The following LRRTM3 variants were observed in gnomAD, a reference collection of about 807,000 sequenced individuals.
The protein encoded by LRRTM3 is leucine-rich repeat transmembrane neuronal protein 3.
In LRRTM3, 24 loss-of-function variants were observed where a neutral mutation model predicts 44.7. That is an observed-to-expected ratio of 0.54 (90% CI 0.39 to 0.76). The LOEUF (loss-of-function observed/expected upper bound fraction) is 0.76. Among genes scored for constraint, LRRTM3 ranks in the 30% least tolerant of loss-of-function variants. The pLI, the probability that LRRTM3 is intolerant of heterozygous loss-of-function variation, is 0.00. For synonymous variants in LRRTM3, 277 were observed against 278.7 expected (o/e 0.99, Z 0.06); for missense variants, 587 against 702.2 (o/e 0.84, Z 1.85).
At chr10:67,080,933 CAACAAAA>C (rs1857027079) in intron 2 of LRRTM3, among the ~76,000 whole-genome samples, 3 of 142,066 alleles carry the variant, frequency 2.1e-5, no homozygotes, top group South Asian at 2.2e-4. Flanking sequence ...AACAAAAAAA[CAACAAAA>C]AAAAAAAAAC....
chr10:67,057,353 T>C (rs1855500370), intron 2 of LRRTM3, among the ~76,000 whole-genome samples: 1 of 152,150 alleles, frequency 6.6e-6, no homozygotes, highest in Non-Finnish European at 1.5e-5. Flanking sequence ...ATAGTCACCA[T>C]GCTGTGCATG....
At chr10:67,027,000 G>T (rs1853431692) in intron 2 of LRRTM3, among the ~76,000 whole-genome samples, 1 of 152,176 alleles carries the variant, frequency 6.6e-6, no homozygotes, top group South Asian at 2.1e-4. Flanking sequence ...AATAAATGAT[G>T]ATAAAACATC....
At chr10:66,964,071 C>A (rs990732681) in intron 2 of LRRTM3, among the ~76,000 whole-genome samples, 1 of 151,822 alleles carries the variant, frequency 6.6e-6, no homozygotes, top group African/African-American at 2.4e-5. Context: ...AGGATGGTCT[C>A]GATCTTCTGA....
At chr10:67,080,780 G>A (rs972050810) in intron 2 of LRRTM3, among the ~76,000 whole-genome samples, 4 of 151,886 alleles carry the variant, frequency 2.6e-5, no homozygotes, top group Non-Finnish European at 4.4e-5. Flanking sequence ...GTGGTGGCGG[G>A]CGCCTGTGGT....
At chr10:66,938,098 AG>A (rs1271214153) in intron 2 of LRRTM3, among the ~76,000 whole-genome samples, 2 of 152,246 alleles carry the variant, frequency 1.3e-5, no homozygotes, top group Non-Finnish European at 2.9e-5. Context: ...AACAATCTAC[AG>A]TAAACATTTC....
At chr10:66,951,003 C>T (rs1056448985) in intron 2 of LRRTM3, among the ~76,000 whole-genome samples, 1 of 151,870 alleles carries the variant, frequency 6.6e-6, no homozygotes, top group Non-Finnish European at 1.5e-5. Flanking sequence ...AGATGGTATG[C>T]TTATTTAAAT....
intron 2 of LRRTM3, among the ~76,000 whole-genome samples, chr10:67,085,679 T>A (rs1328204848): frequency 6.6e-6 from 1 of 152,012 alleles, no homozygotes; most frequent in Admixed American, 6.6e-5. Context: ...GCTCATCCCT[T>A]ATTATGATAT....
chr10:66,973,386 G>A (rs758384816), intron 2 of LRRTM3, among the ~76,000 whole-genome samples: 5 of 152,062 alleles, frequency 3.3e-5, no homozygotes, highest in Admixed American at 3.3e-4. Context: ...TCAATAATTT[G>A]TATTAACAAA....
chr10:66,978,526 C>CAAAAA (rs1170594360), intron 2 of LRRTM3, among the ~76,000 whole-genome samples: 16 of 42,320 alleles, frequency 3.8e-4, no homozygotes, highest in East Asian at 9.6e-4. Context: ...GACTCCATCT[C>CAAAAA]AAAAAAAAAA....
chr10:67,057,362 T>C lies in LRRTM3; in HGVS notation c.1537-40225T>C, dbSNP rs748728586. Among the ~76,000 whole-genome samples the C allele has an allele frequency of 9.2e-5, 14 of 152,264 alleles. No homozygotes were observed. In the South Asian group the frequency reaches 1.4e-3, roughly 16 times the overall value. ...TTAACTATAGTCACCATGCTGTGCATGGTCTTCAGAGCTTATTCATAACTA... is the reference window on the plus strand; with the variant it reads ...TTAACTATAGTCACCATGCTGTGCACGGTCTTCAGAGCTTATTCATAACTA... On this transcript the variant is annotated intron_variant, in intron 2 of 2. Transcript: ENST00000361320.
At chr10:66,943,138 C>G (rs1387169542) in intron 2 of LRRTM3, among the ~76,000 whole-genome samples, 1 of 152,150 alleles carries the variant, frequency 6.6e-6, no homozygotes, top group Non-Finnish European at 1.5e-5. Flanking sequence ...TGATACATGT[C>G]CTTCACTGGA....
At chr10:66,969,852 T>C (rs1361008129) in intron 2 of LRRTM3, among the ~76,000 whole-genome samples, 1 of 152,146 alleles carries the variant, frequency 6.6e-6, no homozygotes, top group South Asian at 2.1e-4. Flanking sequence ...ACCCTCTATA[T>C]TTCCACAACA....
At chr10:66,969,232 A>C (rs958249151) in intron 2 of LRRTM3, among the ~76,000 whole-genome samples, 1 of 152,120 alleles carries the variant, frequency 6.6e-6, no homozygotes, top group African/African-American at 2.4e-5. Flanking sequence ...ACATCTATGC[A>C]CAGGCATTTA....
intron 2 of LRRTM3, among the ~76,000 whole-genome samples, chr10:67,060,514 C>T (rs17195324): frequency 0.024 from 3,711 of 152,264 alleles, 58 homozygotes; most frequent in Non-Finnish European, 0.033. Context: ...AGTTAGTTTT[C>T]TAAATATCCC....
At chr10:67,047,327 T>C (rs190202458) in intron 2 of LRRTM3, among the ~76,000 whole-genome samples, 34 of 152,288 alleles carry the variant, frequency 2.2e-4, no homozygotes, top group African/African-American at 7.9e-4. Context: ...TTTCCAGAAA[T>C]TCCCTGTGCC....
At chr10:66,986,983 C>T (rs971451213) in intron 2 of LRRTM3, among the ~76,000 whole-genome samples, 1 of 152,048 alleles carries the variant, frequency 6.6e-6, no homozygotes, top group Non-Finnish European at 1.5e-5. Context: ...CACTAATAAG[C>T]TGATACATGA....
intron 2 of LRRTM3, among the ~76,000 whole-genome samples, chr10:66,982,331 A>G (rs902480377): frequency 6.6e-6 from 1 of 152,186 alleles, no homozygotes; most frequent in African/African-American, 2.4e-5. Context: ...AAACAGAATT[A>G]GTTTCAAATA....
chr10:66,938,136 A>G (rs539445863), intron 2 of LRRTM3, among the ~76,000 whole-genome samples: 1 of 152,188 alleles, frequency 6.6e-6, no homozygotes, highest in Non-Finnish European at 1.5e-5. Flanking sequence ...AATTGTATCA[A>G]CCTTATATTT....
At chr10:67,041,804 A>G (rs901540460) in intron 2 of LRRTM3, among the ~76,000 whole-genome samples, 2 of 152,178 alleles carry the variant, frequency 1.3e-5, no homozygotes, top group Admixed American at 6.5e-5. Context: ...CAGTAAGGAA[A>G]GAATGACAAT....
Sources: allele counts gnomAD v4.1 joint callset (sites outside exome capture counted in the v4.1 genomes callset), GRCh38; gene constraint gnomAD v4.1.1; transcripts MANE v1.5; gene names NCBI Gene and HGNC (gene_info 2026-07-23, HGNC 2026-07-21).